Variants in IFT74 observed in about 807,000 individuals in gnomAD.
IFT74 encodes the protein intraflagellar transport protein 74 homolog.
In IFT74, 92 loss-of-function variants were observed where a neutral mutation model predicts 96.7. The observed-to-expected ratio is 0.95, with a 90% CI of 0.80 to 1.13. The LOEUF (loss-of-function observed/expected upper bound fraction) is 1.13. Among genes scored for constraint, IFT74 ranks in the 50% most tolerant of loss-of-function variants. The pLI is 0.00. For synonymous variants in IFT74, 223 were observed against 213.2 expected (o/e 1.05, Z -0.40); for missense variants, 811 against 698.2 (o/e 1.16, Z -1.82).
At chr9:26,996,448 T>C (rs200230278) in intron 8 of IFT74, 2 of 1,566,668 alleles carry the variant, frequency 1.3e-6, no homozygotes, top group East Asian at 2.3e-5. Context: ...TGTTTTGATA[T>C]TGTAGCTCTG....
In IFT74 at chr9:27,038,176, A is replaced by G. The variant is rs530554384; in HGVS notation, c.1055-6566A>G. 2.0e-5 allele frequency among the ~76,000 whole-genome samples: 3 copies of G among 152,338 alleles called. No homozygotes were observed. The South Asian group carries it at 6.2e-4, about 32-fold the overall frequency. ...CCCCAAAGCCCAAGACAGTCAGTGC[A>G]TGTTGGAAGCCATTATGGAATGAGG... is the stretch of plus-strand genomic sequence containing the variant. On this transcript the variant is annotated intron_variant, in intron 13 of 19. Coordinates refer to ENST00000380062, the MANE Select transcript of IFT74 (RefSeq NM_025103.4).
chr9:26,958,605 C>T (rs1826220588), intron 1 of IFT74, among the ~76,000 whole-genome samples: 1 of 152,104 alleles, frequency 6.6e-6, no homozygotes, highest in Non-Finnish European at 1.5e-5. Context: ...GACTAAATTT[C>T]TTACTTGTGT....
At chr9:27,023,042 A>G (rs776834317) in intron 12 of IFT74, among the ~76,000 whole-genome samples, 2 of 152,162 alleles carry the variant, frequency 1.3e-5, no homozygotes, top group Non-Finnish European at 2.9e-5. Context: ...TATTTATAAG[A>G]TCTAGGAGTT....
intron 13 of IFT74, among the ~76,000 whole-genome samples, chr9:27,038,647 C>T (rs528138485): frequency 6.6e-6 from 1 of 152,080 alleles, no homozygotes; most frequent in African/African-American, 2.4e-5. Flanking sequence ...AGGGTGACTT[C>T]GAGGAACACA....
In IFT74 at chr9:26,948,448, ATTT is replaced by A. The variant is rs71841244; in HGVS notation, c.-20+1340_-20+1342del. On this transcript the variant is annotated intron_variant, in intron 1 of 19. Transcript: ENST00000433700. ...TGACAACCTGTGATGGCTTTCCATT[ATTT>A]TTTTTTTTTTTTTTTTTTTTTTTTT... Among the ~76,000 whole-genome samples, 28 of 59,156 alleles carry A rather than the reference ATTT, an allele frequency of 4.7e-4. 1 individual carries two copies. The highest frequency in any genetic ancestry group is 7.0e-4 in the African/African-American group (13 of 18,528). 38.8% of individuals were successfully genotyped at this position (59,156 alleles called of 152,430 possible). A position where few individuals can be genotyped will look rare whatever the true frequency, so the allele number is the denominator to read the frequency against.
At chr9:27,057,727 G>A (rs948913105) in intron 18 of IFT74, among the ~76,000 whole-genome samples, 4 of 151,954 alleles carry the variant, frequency 2.6e-5, no homozygotes, top group South Asian at 2.1e-4. Context: ...GAGTGGTGGC[G>A]GGTGCCTGTA....
intron 9 of IFT74, 123 bp from the exon 10 acceptor site, chr9:27,011,783 T>C (rs1215343072): frequency 8.8e-6 from 4 of 455,918 alleles, no homozygotes; most frequent in African/African-American, 8.1e-5. Context: ...GAAAATTTAC[T>C]TAGTCACTTT....
intron 12 of IFT74, 143 bp downstream of exon 12, chr9:27,018,830 T>A (rs571335182): frequency 2.3e-6 from 1 of 429,652 alleles, no homozygotes; most frequent in Non-Finnish European, 4.2e-6. Context: ...CATTGCATAG[T>A]ATAATTTTTT....
chr9:26,970,895 A>G (rs1452021338), intron 2 of IFT74, among the ~76,000 whole-genome samples: 1 of 152,140 alleles, frequency 6.6e-6, no homozygotes, highest in Non-Finnish European at 1.5e-5. Context: ...GGTTTCTAGG[A>G]CTGATTTGGT....
In IFT74 at chr9:27,063,393, C is replaced by A. The variant is rs1407048011; in HGVS notation, c.*657C>A. Among the ~76,000 whole-genome samples, 4 of 152,220 alleles carry A rather than the reference C, an allele frequency of 2.6e-5. No homozygotes were observed. The highest frequency in any genetic ancestry group is 3.4e-3 in the Middle Eastern group (1 of 294). On this transcript the variant is annotated 3_prime_UTR_variant, in exon 20 of 20. Coordinates refer to ENST00000380062, the MANE Select transcript of IFT74 (RefSeq NM_025103.4). ...TATAGTGGGCTGTTTTGGACTATGGCTACTGCTGTTCATTGCCACCCTGCA... is the reference window on the plus strand; with the variant it reads ...TATAGTGGGCTGTTTTGGACTATGGATACTGCTGTTCATTGCCACCCTGCA...
chr9:26,956,192 C>G (rs1480837802), upstream of IFT74: 1 of 152,234 alleles, frequency 6.6e-6, no homozygotes, highest in Non-Finnish European at 1.5e-5. Flanking sequence ...CTCTGATTAT[C>G]AAGAAAACCA....
intron 8 of IFT74, among the ~76,000 whole-genome samples, chr9:27,000,306 T>C (rs1476821230): frequency 6.6e-6 from 1 of 152,202 alleles, no homozygotes; most frequent in African/African-American, 2.4e-5. Context: ...ATTTTAAAAA[T>C]TTAATATAGA....
intron 3 of IFT74, 119 bp downstream of exon 3, chr9:26,978,382 ATT>A: frequency 1.1e-6 from 1 of 948,430 alleles, no homozygotes; most frequent in Non-Finnish European, 1.5e-6. Context: ...TTACAGTACC[ATT>A]TTTTTAAATC....
At chr9:26,963,361 T>A (rs558383556) in intron 2 of IFT74, among the ~76,000 whole-genome samples, 62 of 151,946 alleles carry the variant, frequency 4.1e-4, no homozygotes, top group Middle Eastern at 3.4e-3. Flanking sequence ...TCTATCATTG[T>A]TGGACATTTG....
chr9:26,964,325 C>CT (rs1826508301), intron 2 of IFT74, among the ~76,000 whole-genome samples: 1 of 148,704 alleles, frequency 6.7e-6, no homozygotes, highest in African/African-American at 2.5e-5. Context: ...TGATCTATAT[C>CT]TCTGTTTTGG....
chr9:26,998,221 A>AG, intron 8 of IFT74: 1 of 1,484,140 alleles, frequency 6.7e-7, no homozygotes, highest in Non-Finnish European at 9.0e-7. Flanking sequence ...AATTTTTTTC[A>AG]GTAAAATTAC....
chr9:27,049,524 A>G (rs1463796925), intron 16 of IFT74, among the ~76,000 whole-genome samples: 1 of 152,128 alleles, frequency 6.6e-6, no homozygotes, highest in Admixed American at 6.6e-5. Context: ...ATTTGTGCTG[A>G]GAGTGGAATT....
At chr9:27,024,388 G>A (rs1829757477) in intron 12 of IFT74, among the ~76,000 whole-genome samples, 1 of 152,164 alleles carries the variant, frequency 6.6e-6, no homozygotes, top group South Asian at 2.1e-4. Flanking sequence ...GGTAGCTCTG[G>A]TGGGTGGCTA....
chr9:27,033,159 T>C (rs1830200479), intron 13 of IFT74, among the ~76,000 whole-genome samples: 1 of 152,212 alleles, frequency 6.6e-6, no homozygotes, highest in Admixed American at 6.5e-5. Context: ...TTGAGTCTTT[T>C]CATTTAACTG....
Sources: gnomAD v4.1 joint callset for allele counts (sites outside exome capture counted in the v4.1 genomes callset) on GRCh38, gnomAD v4.1.1 for gene constraint, MANE v1.5 for transcripts, NCBI Gene and HGNC (gene_info 2026-07-23, HGNC 2026-07-21) for gene names.